Variants in AGAP3 observed in about 807,000 individuals in gnomAD.
The protein encoded by AGAP3 is arf-GAP with GTPase, ANK repeat and PH domain-containing protein 3.
A neutral mutation model predicts 96.9 loss-of-function variants in AGAP3; 24 were observed. That is an observed-to-expected ratio of 0.25 (90% confidence interval 0.18 to 0.35). The LOEUF (loss-of-function observed/expected upper bound fraction) is 0.35. Ranked by LOEUF, AGAP3 falls within the 10% of genes least tolerant of loss-of-function variation. AGAP3 has a pLI of 1.00. For synonymous variants in AGAP3, 563 were observed against 536.1 expected (o/e 1.05, Z -0.69); for missense variants, 876 against 1,254.2 (o/e 0.70, Z 4.55).
At chr7:151,111,084 G>A (rs1799261483) in intron 1 of AGAP3, among the ~76,000 whole-genome samples, 1 of 152,184 alleles carries the variant, frequency 6.6e-6, no homozygotes, top group South Asian at 2.1e-4. Flanking sequence ...AGAGCCTGCT[G>A]GACACCAGCC....
intron 9 of AGAP3, among the ~76,000 whole-genome samples, chr7:151,126,055 TGGG>T (rs1800149423): frequency 7.8e-6 from 1 of 129,000 alleles, no homozygotes; most frequent in Non-Finnish European, 1.7e-5. Flanking sequence ...AGCGGGCGGG[TGGG>T]TGGGGTGGGG....
Position 151,143,782 on chromosome 7 carries a change from C to A in AGAP3, c.2575C>A (p.Leu859Met), listed in dbSNP as rs201481707. The A allele has an allele frequency of 2.5e-6, 4 of 1,614,160 alleles. No individual in the cohort carries two copies. The highest frequency in any genetic ancestry group is 3.4e-6 in the Non-Finnish European group (4 of 1,180,054). ...RSRDARGLTP[L>M]AYARRAGSQE... ...CCGGGACGCCCGGGGCCTGACTCCA[C>A]TGGCATATGCTCGCCGGGCCGGCAG... The change falls in exon 18 of 18, where the codon CTG becomes ATG. Residue 859 changes from leucine (L) to methionine (M), a missense_variant. By Grantham distance (15) the Leu-to-Met change is conservative. Coordinates refer to ENST00000397238, the MANE Select transcript of AGAP3 (RefSeq NM_031946.7). This position sits in a 1 kb window ranked among gnomAD's most constrained non-coding sequence, Gnocchi z 5.9.
chr7:151,123,130 C>A, intron 8 of AGAP3: 1 of 1,106,472 alleles, frequency 9.0e-7, no homozygotes, highest in Non-Finnish European at 1.1e-6. Flanking sequence ...GGGCGCTTTC[C>A]TGCCCCTCCC....
rs148433957 is a variant in AGAP3 at position 151,100,464 on chromosome 7, C to T, written c.331+13392C>T. On this transcript the variant is annotated intron_variant, in intron 1 of 17. Coordinates refer to ENST00000397238, the MANE Select transcript of AGAP3 (RefSeq NM_031946.7). ...AGGCTGCTGTCTCTCCCAGCAGCTA[C>T]GCCAGTGTCGGGATTGCTCAGCAAG... 2.6e-4 allele frequency among the ~76,000 whole-genome samples: 40 copies of T among 152,302 alleles called. 1 individual carries two copies. The highest frequency in any genetic ancestry group is 9.4e-4 in the African/African-American group (39 of 41,578).
Position 151,140,025 on chromosome 7 carries a change from T to C in AGAP3, c.1713T>C (p.Pro571=). Residue 571 remains proline, a synonymous_variant, in exon 13 of 18, where the codon CCT becomes CCC. Transcript: ENST00000397238. This position sits in a 1 kb window ranked among gnomAD's most constrained non-coding sequence, Gnocchi z 5.4. ...EVLSSSPKLD[P]PPSPHSNRKK... is the part of the protein sequence containing the mutation. Reference sequence around the variant, plus strand: ...TCAGTTCCAGCCCCAAGCTGGATCCTCCCCCATCTCCCCACTCCAACCGGA... The same window carrying C: ...TCAGTTCCAGCCCCAAGCTGGATCCCCCCCCATCTCCCCACTCCAACCGGA... 6.3e-7 allele frequency: 1 copy of C among 1,599,852 alleles called. No homozygotes were observed. Among genetic ancestry groups the C allele is most frequent in the African/African-American group, 1.3e-5 (1 of 74,152 alleles).
intron 1 of AGAP3, among the ~76,000 whole-genome samples, chr7:151,090,900 C>T (rs964542728): frequency 6.6e-6 from 1 of 152,050 alleles, no homozygotes; most frequent in Non-Finnish European, 1.5e-5. Flanking sequence ...GCTGAGATCG[C>T]ACCACTGCAC....
At chr7:151,106,582 A>C (rs1294011793) in intron 1 of AGAP3, among the ~76,000 whole-genome samples, 1 of 152,012 alleles carries the variant, frequency 6.6e-6, no homozygotes, top group Non-Finnish European at 1.5e-5. Context: ...GGTTCAAGCA[A>C]TTCTCCTGCC....
At chr7:151,134,647 C>T (rs1800525421) in intron 11 of AGAP3, 79 bp downstream of exon 11, 1 of 1,406,580 alleles carries the variant, frequency 7.1e-7, no homozygotes, top group Non-Finnish European at 9.7e-7. Flanking sequence ...GGCTTGGCTG[C>T]TTCTCAGCCT....
chr7:151,132,161 C>T (rs544952386), intron 10 of AGAP3, among the ~76,000 whole-genome samples: 23 of 152,278 alleles, frequency 1.5e-4, no homozygotes, highest in African/African-American at 4.6e-4. Flanking sequence ...GATGGAGGTA[C>T]GCTGGGATGG....
intron 8 of AGAP3, among the ~76,000 whole-genome samples, chr7:151,121,685 G>A (rs540468813): frequency 9.2e-5 from 14 of 152,244 alleles, no homozygotes; most frequent in African/African-American, 1.2e-4. Context: ...CTCACGGCAC[G>A]GCCTTCCCTC....
In AGAP3 at chr7:151,139,740, C is replaced by T. The variant is rs2150532929; in HGVS notation, c.1667-239C>T. On this transcript the variant is annotated intron_variant, in intron 12 of 17. Coordinates refer to ENST00000397238, the MANE Select transcript of AGAP3 (RefSeq NM_031946.7). This position sits in a 1 kb window ranked among gnomAD's most constrained non-coding sequence, Gnocchi z 4.9. The stretch of plus-strand genomic sequence containing the variant: ...CAGAGGCAGCTTCCTCCCTTTGCCT[C>T]CATCCTGCTCTGCCTAAGTTTCCTA... 2.8e-6 allele frequency: 1 copy of T among 358,822 alleles called. No homozygotes were observed. Among genetic ancestry groups the T allele is most frequent in the East Asian group, 4.3e-5 (1 of 23,460 alleles). 22.2% of individuals were successfully genotyped at this position (358,822 alleles called of 1,614,324 possible).
intron 1 of AGAP3, among the ~76,000 whole-genome samples, chr7:151,097,517 CAA>C (rs67915216): frequency 5.3e-4 from 51 of 95,610 alleles, no homozygotes; most frequent in Admixed American, 8.2e-4. Context: ...GACTCTGTCT[CAA>C]AAAAAAAAAA....
intron 1 of AGAP3, among the ~76,000 whole-genome samples, chr7:151,093,137 A>G (rs1340060362): frequency 2.6e-5 from 4 of 152,122 alleles, no homozygotes; most frequent in Non-Finnish European, 5.9e-5. Flanking sequence ...ATGTATGTAT[A>G]TGTGTGTGTA....
intron 10 of AGAP3, among the ~76,000 whole-genome samples, chr7:151,132,934 C>T (rs142402390): frequency 0.013 from 1,989 of 152,298 alleles, 18 homozygotes; most frequent in South Asian, 0.036. Context: ...TGTCAGTTTT[C>T]CCTGGAGCTA....
rs376525541 is a variant in AGAP3 at position 151,118,360 on chromosome 7, G to A, written c.841+16G>A. On this transcript the variant is annotated intron_variant, in intron 6 of 17. Transcript: ENST00000397238. This position sits in a 1 kb window ranked among gnomAD's most constrained non-coding sequence, Gnocchi z 6.1. ...TTCCAGGACGGTAACTCGGGTGCCG[G>A]GTGGGAGTCACTGGCAGCCGCGGCC... is the stretch of plus-strand genomic sequence containing the variant. 1 of 1,605,000 alleles carries A rather than the reference G, an allele frequency of 6.2e-7. No individual in the cohort carries two copies.
Position 151,143,556 on chromosome 7 carries a change from G to A in AGAP3, c.2489G>A (p.Ser830Asn). 6.2e-7 allele frequency: 1 copy of A among 1,611,688 alleles called. No homozygotes were observed. The highest frequency in any genetic ancestry group is 8.5e-7 in the Non-Finnish European group (1 of 1,178,324). The part of the protein sequence containing the change: ...GDGRTALHLS[S>N]AMANVVFTQL... ...GGGCGGACGGCTCTACATCTCTCCA[G>A]TGCCATGGCCAACGTTGTCTTCACG... The change falls in exon 17 of 18, where the codon AGT (serine) becomes AAT (asparagine). Residue 830 changes from serine (S) to asparagine (N), a missense_variant. Physicochemically the swap from Ser to Asn is conservative, Grantham distance 46 (BLOSUM62 1). Around this residue, in one of 8 missense-constraint regions of AGAP3, gnomAD observed 213 missense variants for 253.8 expected, o/e 0.84. Coordinates refer to ENST00000397238, the MANE Select transcript of AGAP3 (RefSeq NM_031946.7). The surrounding 1 kb of genome is among the most constrained non-coding windows in gnomAD (Gnocchi z 5.9).
chr7:151,095,822 C>T (rs1442215563), intron 1 of AGAP3, among the ~76,000 whole-genome samples: 1 of 151,900 alleles, frequency 6.6e-6, no homozygotes, highest in Non-Finnish European at 1.5e-5. Flanking sequence ...CCCTGCCCCC[C>T]TGCCACCCCA....
rs34039109 is a variant in AGAP3, at chr7:151,120,082, C to T, written c.1065C>T (p.Ile355=). The change falls in exon 8 of 18, where the codon ATC becomes ATT. Residue 355 remains isoleucine (I), a synonymous_variant. Coordinates refer to ENST00000397238, the MANE Select transcript of AGAP3 (RefSeq NM_031946.7). ...ISQRELRIET[I]AASSTPTPIR... is the part of the protein sequence containing the mutation. Reference sequence around the variant, plus strand: ...AGCGGGAGCTGCGCATCGAGACCATCGCTGCCTCCTCCACCCCCACACCCA... The same window carrying T: ...AGCGGGAGCTGCGCATCGAGACCATTGCTGCCTCCTCCACCCCCACACCCA... 28 of 1,613,884 alleles carry T rather than the reference C, an allele frequency of 1.7e-5. No homozygotes were observed. Among genetic ancestry groups the T allele is most frequent in the Middle Eastern group, 1.6e-4 (1 of 6,084 alleles).
Position 151,096,291 on chromosome 7 carries a change from G to A in AGAP3, c.331+9219G>A, listed in dbSNP as rs1798601465. Among the ~76,000 whole-genome samples the A allele has an allele frequency of 6.6e-6, 1 of 152,174 alleles. No individual in the cohort carries two copies. Among genetic ancestry groups the A allele is most frequent in the Admixed American group, 6.5e-5 (1 of 15,286 alleles). On this transcript the variant is annotated intron_variant, in intron 1 of 17. Transcript: ENST00000397238. This position sits in a 1 kb window ranked among gnomAD's most constrained non-coding sequence, Gnocchi z 4.4. Reference sequence around the variant, plus strand: ...TGAGAGCCCAGGTGGCAGAGTGTGGGGTACGTTGGTTTAGCTCATCCAGGC... The same window carrying A: ...TGAGAGCCCAGGTGGCAGAGTGTGGAGTACGTTGGTTTAGCTCATCCAGGC...
Sources: gnomAD v4.1 joint callset for allele counts (sites outside exome capture counted in the v4.1 genomes callset) on GRCh38, gnomAD v4.1.1 for gene constraint, gnomAD v4.1.1 regional missense constraint, Gnocchi (gnomAD v3.1) non-coding constraint, MANE v1.5 for transcripts, NCBI Gene and HGNC (gene_info 2026-07-23, HGNC 2026-07-21) for gene names.